The following HAUS6 variants were observed in gnomAD, a reference collection of about 807,000 sequenced individuals.
HAUS6 encodes the protein HAUS augmin-like complex subunit 6.
In HAUS6, 80 loss-of-function variants were observed where a neutral mutation model predicts 106.8. That is an observed-to-expected ratio of 0.75 (90% confidence interval 0.63 to 0.90). The LOEUF is 0.90. HAUS6 is among the 40% of genes least tolerant of loss of function. The pLI is 0.00. For missense variants in HAUS6, 1,155 were observed against 1,118.1 expected (o/e 1.03, Z -0.47); for synonymous variants, 356 against 379.1 (o/e 0.94, Z 0.71).
intron 7 of HAUS6, among the ~76,000 whole-genome samples, chr9:19,085,281 T>C (rs1250799405): frequency 2.0e-5 from 3 of 152,108 alleles, no homozygotes; most frequent in African/African-American, 7.2e-5. Context: ...GGAAAACAAA[T>C]ATGAACCAAA....
intron 16 of HAUS6, 193 bp from the exon 17 acceptor site, chr9:19,056,597 C>CTTT (rs879658713): frequency 9.6e-6 from 4 of 415,894 alleles, no homozygotes; most frequent in Non-Finnish European, 1.3e-5. Context: ...TCCCAGAGTA[C>CTTT]TTTTTTTTTT....
At chr9:19,083,078 C>T in intron 7 of HAUS6, 35 bp from the exon 8 acceptor site, 1 of 1,364,062 alleles carries the variant, frequency 7.3e-7, no homozygotes, top group Non-Finnish European at 1.0e-6. Flanking sequence ...AAAGTCCACA[C>T]ATAATCTGTA....
At chr9:19,087,599 A>G (rs1034315837) in intron 5 of HAUS6, among the ~76,000 whole-genome samples, 96 of 152,192 alleles carry the variant, frequency 6.3e-4, no homozygotes, top group African/African-American at 2.1e-3. Context: ...TCACACCTGT[A>G]ATGCCTATAT....
chr9:19,067,492 A>C (rs1836786936), intron 12 of HAUS6, among the ~76,000 whole-genome samples: 1 of 152,156 alleles, frequency 6.6e-6, no homozygotes, highest in African/African-American at 2.4e-5. Context: ...AGTATTTCAA[A>C]TCTATAATTA....
intron 14 of HAUS6, among the ~76,000 whole-genome samples, chr9:19,060,446 T>C: frequency 6.6e-6 from 1 of 152,234 alleles, no homozygotes; most frequent in East Asian, 1.9e-4. Context: ...TCATCTTAAA[T>C]GGATATCCCA....
chr9:19,092,530 G>A (rs534695220), intron 4 of HAUS6, among the ~76,000 whole-genome samples: 233 of 148,828 alleles, frequency 1.6e-3, no homozygotes, highest in Non-Finnish European at 1.9e-3. Flanking sequence ...CAGGAGAATC[G>A]CTTGAACCCA....
intron 12 of HAUS6, among the ~76,000 whole-genome samples, chr9:19,064,764 A>G (rs1189721679): frequency 2.6e-5 from 4 of 152,254 alleles, no homozygotes; most frequent in Admixed American, 6.5e-5. Flanking sequence ...CGTTCCAAAC[A>G]TAATTCAAAA....
intron 7 of HAUS6, among the ~76,000 whole-genome samples, 185 bp from the exon 8 acceptor site, chr9:19,083,228 A>C (rs935540023): frequency 7.2e-5 from 11 of 152,122 alleles, no homozygotes; most frequent in African/African-American, 2.7e-4. Flanking sequence ...TTTTTAAAAA[A>C]ATGTATCAGG....
chr9:19,060,040 G>A (rs775601658), intron 15 of HAUS6, 48 bp downstream of exon 15: 8 of 1,475,410 alleles, frequency 5.4e-6, no homozygotes, highest in Admixed American at 1.9e-5. Flanking sequence ...TTCTAACAGT[G>A]GTTATGTCGA....
intron 12 of HAUS6, among the ~76,000 whole-genome samples, chr9:19,067,468 C>A (rs943057416): frequency 6.6e-6 from 1 of 152,144 alleles, no homozygotes; most frequent in African/African-American, 2.4e-5. Context: ...CCAGGCCTTC[C>A]CCTACCTCCC....
chr9:19,094,185 T>C (rs1817812235), intron 3 of HAUS6, 132 bp downstream of exon 3: 1 of 544,006 alleles, frequency 1.8e-6, no homozygotes, highest in African/African-American at 2.0e-5. Flanking sequence ...AAGAAGACTA[T>C]TTTAACTAAT....
At chr9:19,073,606 A>G (rs1836924601) in intron 11 of HAUS6, among the ~76,000 whole-genome samples, 1 of 151,686 alleles carries the variant, frequency 6.6e-6, no homozygotes, top group Non-Finnish European at 1.5e-5. Context: ...TGAAAACACA[A>G]CACAACCCTA....
At chr9:19,070,957 G>T (rs1234846757) in intron 11 of HAUS6, among the ~76,000 whole-genome samples, 1 of 152,206 alleles carries the variant, frequency 6.6e-6, no homozygotes, top group Non-Finnish European at 1.5e-5. Context: ...ATGGAGCACA[G>T]GGTACATCCA....
chr9:19,078,493 T>C (rs1362335390), intron 9 of HAUS6, among the ~76,000 whole-genome samples, 191 bp from the exon 10 acceptor site: 1 of 152,140 alleles, frequency 6.6e-6, no homozygotes, highest in African/African-American at 2.4e-5. Context: ...TCTCTTTTTA[T>C]GACCATAAAG....
intron 1 of HAUS6, 32 bp downstream of exon 1, chr9:19,102,492 C>A (rs1818011715): frequency 1.9e-6 from 3 of 1,606,956 alleles, no homozygotes; most frequent in South Asian, 1.1e-5. Flanking sequence ...CCGGTTCAGG[C>A]TCCCTCGCCC....
chr9:19,056,543 A>C (rs1161209812), intron 16 of HAUS6, 139 bp from the exon 17 acceptor site: 6 of 592,984 alleles, frequency 1.0e-5, no homozygotes, highest in Admixed American at 2.9e-5. Flanking sequence ...AATTATTATT[A>C]TTCTCACCAA....
In HAUS6 at chr9:19,056,361, C is replaced by A. The variant is rs753529067; in HGVS notation, c.2850G>T (p.Pro950=). The part of the protein sequence containing the change: ...LNKSLDAKEP[P]SDLTR The stretch of plus-strand genomic sequence containing the variant: ...TACGTCTTCATCTTGTCAAGTCAGA[C>A]GGTGGTTCTTTTGCATCAAGGCTCT... Residue 950 remains proline, a synonymous_variant, in exon 17 of 17, where the codon CCG becomes CCT. Coordinates refer to ENST00000380502, the MANE Select transcript of HAUS6 (RefSeq NM_017645.5). 13 of 1,537,424 alleles carry A rather than the reference C, an allele frequency of 8.5e-6. No individual in the cohort carries two copies. The highest frequency in any genetic ancestry group is 1.4e-5 in the African/African-American group (1 of 73,490).
Position 19,089,451 on chromosome 9 carries a change from CTT to C in HAUS6, c.543_544del (p.Arg182ThrfsTer17). The C allele has an allele frequency of 6.2e-7, 1 of 1,611,972 alleles. No homozygotes were observed. Among genetic ancestry groups the C allele is most frequent in the Non-Finnish European group, 8.5e-7 (1 of 1,178,158 alleles). On this transcript the variant is annotated frameshift_variant, in exon 5 of 17. Transcript: ENST00000380502. LOFTEE classifies it high-confidence loss of function. ...ATATTTTTGGGTAACACAATCTTGT[CTT>C]TGCAAAATTTGTAAAAATCTGCTAC...
rs527623257 is a variant in HAUS6 at position 19,088,440 on chromosome 9, A to G, written c.584+972T>C. On this transcript the variant is annotated intron_variant, in intron 5 of 16. Transcript: ENST00000380502. Reference sequence around the variant, plus strand: ...CAAAAAAAAAAAAAAATAGTAATACACTATGGCAATATGCAAAAATTTACA... The same window carrying G: ...CAAAAAAAAAAAAAAATAGTAATACGCTATGGCAATATGCAAAAATTTACA... Among the ~76,000 whole-genome samples, 6 of 152,160 alleles carry G rather than the reference A, an allele frequency of 3.9e-5. 1 individual carries two copies. The highest frequency in any genetic ancestry group is 4.1e-4 in the South Asian group (2 of 4,826).
Sources: allele counts gnomAD v4.1 joint callset (sites outside exome capture counted in the v4.1 genomes callset), GRCh38; gene constraint gnomAD v4.1.1; transcripts MANE v1.5; gene names NCBI Gene and HGNC (gene_info 2026-07-23, HGNC 2026-07-21).